Variants in NETO1 observed in about 807,000 individuals in gnomAD.
NETO1 encodes neuropilin and tolloid-like protein 1.
In NETO1, 26 loss-of-function variants were observed where a neutral mutation model predicts 61.3. That is an observed-to-expected ratio of 0.42 (90% CI 0.31 to 0.59). NETO1 has a LOEUF of 0.59. Ranked by LOEUF, NETO1 falls within the 20% of genes least tolerant of loss-of-function variation. NETO1 has a pLI of 0.12. For missense variants in NETO1, 531 were observed against 662.8 expected (o/e 0.80, Z 2.18); for synonymous variants, 225 against 225.8 (o/e 1.00, Z 0.03).
intron 7 of NETO1, 78 bp from the exon 8 acceptor site, chr18:72,756,225 A>G: frequency 2.0e-6 from 1 of 494,832 alleles, no homozygotes; most frequent in South Asian, 3.1e-5. Flanking sequence ...TTACAAATCT[A>G]AAAAAAAAAG....
intron 4 of NETO1, among the ~76,000 whole-genome samples, chr18:72,810,229 T>C (rs1370895947): frequency 6.6e-6 from 1 of 152,216 alleles, no homozygotes; most frequent in Non-Finnish European, 1.5e-5. Context: ...GTCTCCTTTG[T>C]ACTTATTTTC....
At chr18:72,859,124 GT>G in intron 3 of NETO1, 50 bp from the exon 4 acceptor site, 1 of 1,505,620 alleles carries the variant, frequency 6.6e-7, no homozygotes, top group South Asian at 1.4e-5. Context: ...ACATCTTCAG[GT>G]TGATGTTTTC....
rs1348718742 is a variant in NETO1 at position 72,830,394 on chromosome 18, G to A, written c.469+28432C>T. ...CCACAACTTCAGAGACATCAGTAGC[G>A]CCACATGTGTTTTCAGAAAAATTTT... On this transcript the variant is annotated intron_variant, in intron 4 of 10. Coordinates refer to ENST00000327305, the MANE Select transcript of NETO1 (RefSeq NM_138966.5). The surrounding 1 kb of genome is among the most constrained non-coding windows in gnomAD (Gnocchi z 4.9). Among the ~76,000 whole-genome samples the A allele has an allele frequency of 2.0e-5, 3 of 152,150 alleles. No homozygotes were observed. The highest frequency in any genetic ancestry group is 2.4e-5 in the African/African-American group (1 of 41,428).
At chr18:72,857,036 G>A (rs894776405) in intron 4 of NETO1, among the ~76,000 whole-genome samples, 4 of 152,254 alleles carry the variant, frequency 2.6e-5, no homozygotes, top group African/African-American at 9.6e-5. Context: ...AGATGGTTAC[G>A]TCACTCAGGC....
intron 8 of NETO1, among the ~76,000 whole-genome samples, chr18:72,752,440 C>T (rs530808068): frequency 6.6e-6 from 1 of 152,212 alleles, no homozygotes; most frequent in East Asian, 1.9e-4. Context: ...GTGCGAAGTC[C>T]AAGGCGGTGG....
rs2070446028 is a variant in NETO1, at chr18:72,747,017, T to A, written c.*1162A>T. On this transcript the variant is annotated 3_prime_UTR_variant, in exon 11 of 11. Coordinates refer to ENST00000327305, the MANE Select transcript of NETO1 (RefSeq NM_138966.5). ...TTAATTCATAAAAGGGCTTGTGATTTTAAAGCAGTTTTAAAAAGAGTTCCC... is the reference window on the plus strand; with the variant it reads ...TTAATTCATAAAAGGGCTTGTGATTATAAAGCAGTTTTAAAAAGAGTTCCC... 6.6e-6 allele frequency: 1 copy of A among 151,952 alleles called. No homozygotes were observed. The highest frequency in any genetic ancestry group is 1.5e-5 in the Non-Finnish European group (1 of 67,902). 9.4% of individuals were successfully genotyped at this position (151,952 alleles called of 1,614,324 possible). A position where few individuals can be genotyped will look rare whatever the true frequency, so the allele number is the denominator to read the frequency against.
chr18:72,774,105 T>G (rs895242928), intron 7 of NETO1, among the ~76,000 whole-genome samples: 1 of 152,206 alleles, frequency 6.6e-6, no homozygotes, highest in Non-Finnish European at 1.5e-5. Context: ...CTATTTTATA[T>G]GTCTGTTTTT....
intron 4 of NETO1, among the ~76,000 whole-genome samples, chr18:72,847,080 T>C (rs555885267): frequency 6.6e-6 from 1 of 152,378 alleles, no homozygotes; most frequent in South Asian, 2.1e-4. Flanking sequence ...TCTTGGGGCT[T>C]TGAAGTGCAA....
chr18:72,823,432 G>T (rs2145314795), intron 4 of NETO1, among the ~76,000 whole-genome samples: 1 of 152,210 alleles, frequency 6.6e-6, no homozygotes, highest in South Asian at 2.1e-4. Context: ...ATCACGTGAG[G>T]GACCTAAGGG....
intron 4 of NETO1, among the ~76,000 whole-genome samples, chr18:72,822,849 A>G (rs1226482504): frequency 6.6e-6 from 1 of 152,130 alleles, no homozygotes; most frequent in Non-Finnish European, 1.5e-5. Context: ...AAAATAATAA[A>G]AGAGAGAGTA....
chr18:72,861,702 T>C (rs1227790510), intron 3 of NETO1, among the ~76,000 whole-genome samples: 1 of 152,204 alleles, frequency 6.6e-6, no homozygotes, highest in Non-Finnish European at 1.5e-5. Context: ...GTATTCTTCA[T>C]CACAATGGGT....
chr18:72,805,473 A>G (rs1373578314), intron 4 of NETO1, among the ~76,000 whole-genome samples: 1 of 152,182 alleles, frequency 6.6e-6, no homozygotes, highest in Non-Finnish European at 1.5e-5. Flanking sequence ...GCAATAATTA[A>G]TATGTACCAG....
rs1461879376 is a variant in NETO1 at position 72,831,737 on chromosome 18, T to C, written c.469+27089A>G. On this transcript the variant is annotated intron_variant, in intron 4 of 10. Transcript: ENST00000327305. ...AAAAAACACTCACATACATCTTGTA[T>C]AACTTTTCCAAACATATTCCTCATT... 2.0e-5 allele frequency among the ~76,000 whole-genome samples: 3 copies of C among 152,258 alleles called. No individual in the cohort carries two copies. In the East Asian group the frequency reaches 5.8e-4, roughly 29 times the overall value.
chr18:72,771,235 A>G (rs2071341994), intron 7 of NETO1, among the ~76,000 whole-genome samples: 1 of 152,230 alleles, frequency 6.6e-6, no homozygotes, highest in South Asian at 2.1e-4. Context: ...AATAAAACTG[A>G]ACAGTGAAAT....
At chr18:72,843,252 C>T (rs1348544875) in intron 4 of NETO1, among the ~76,000 whole-genome samples, 4 of 152,120 alleles carry the variant, frequency 2.6e-5, no homozygotes, top group Admixed American at 6.5e-5. Context: ...CTATGGCTTG[C>T]AATTGCAATT....
intron 8 of NETO1, among the ~76,000 whole-genome samples, chr18:72,753,338 G>A (rs1026834308): frequency 1.3e-5 from 2 of 150,876 alleles, no homozygotes; most frequent in Non-Finnish European, 1.5e-5. Context: ...GAGGCCAGAA[G>A]GCAACATGAT....
intron 7 of NETO1, among the ~76,000 whole-genome samples, chr18:72,759,761 G>T (rs1472838224): frequency 6.6e-6 from 1 of 152,084 alleles, no homozygotes; most frequent in African/African-American, 2.4e-5. Flanking sequence ...ATTTACATAA[G>T]ACTTATTCTA....
At chr18:72,810,347 C>A (rs1443432052) in intron 4 of NETO1, among the ~76,000 whole-genome samples, 1 of 152,110 alleles carries the variant, frequency 6.6e-6, no homozygotes, top group East Asian at 1.9e-4. Context: ...AGTTTGGGAC[C>A]ACATTCTGCC....
intron 7 of NETO1, among the ~76,000 whole-genome samples, chr18:72,782,778 T>C (rs2071788493): frequency 6.6e-6 from 1 of 152,058 alleles, no homozygotes; most frequent in Admixed American, 6.6e-5. Flanking sequence ...CACTCCAGCC[T>C]GGGCAACAAG....
Sources: allele counts gnomAD v4.1 joint callset (sites outside exome capture counted in the v4.1 genomes callset), GRCh38; gene constraint gnomAD v4.1.1; non-coding constraint Gnocchi (gnomAD v3.1); transcripts MANE v1.5; gene names NCBI Gene and HGNC (gene_info 2026-07-23, HGNC 2026-07-21).